The following ZNF652 variants were observed in gnomAD, a reference collection of about 807,000 sequenced individuals.
The protein encoded by ZNF652 is zinc finger protein 652.
In ZNF652, 16 loss-of-function variants were observed where a neutral mutation model predicts 45.2. That is an observed-to-expected ratio of 0.35 (90% CI 0.24 to 0.54). ZNF652 has a LOEUF of 0.54. Ranked by LOEUF, ZNF652 falls within the 20% of genes least tolerant of loss-of-function variation. ZNF652 has a pLI of 0.91. For synonymous variants in ZNF652, 250 were observed against 260.6 expected, an observed-to-expected ratio of 0.96 and a Z score of 0.39; for missense variants, 614 against 765.6, an observed-to-expected ratio of 0.80 and a Z score of 2.34.
intron 1 of ZNF652, among the ~76,000 whole-genome samples, chr17:49,332,464 C>T (rs1009583930): frequency 6.6e-6 from 1 of 152,136 alleles, no homozygotes; most frequent in South Asian, 2.1e-4. Flanking sequence ...CCTGTATGTT[C>T]CCTCTCCGAT....
intron 1 of ZNF652, among the ~76,000 whole-genome samples, chr17:49,323,788 T>C (rs1017691047): frequency 2.0e-5 from 3 of 152,214 alleles, no homozygotes; most frequent in African/African-American, 7.2e-5. Context: ...AAGGAATCTT[T>C]TTTTCTGAGC....
Position 49,317,210 on chromosome 17 carries a change from A to C in ZNF652, c.516T>G (p.Asn172Lys), listed in dbSNP as rs1207006237. 1.2e-6 allele frequency: 2 copies of C among 1,613,230 alleles called. No homozygotes were observed. The highest frequency in any genetic ancestry group is 1.7e-6 in the Non-Finnish European group (2 of 1,179,978). ...TCTTCTCCTTTTTCTTCTGCTTTTCATTCTCTCCATAGTCATTGCTGTCAT... is the reference window on the plus strand; with the variant it reads ...TCTTCTCCTTTTTCTTCTGCTTTTCCTTCTCTCCATAGTCATTGCTGTCAT... Reference protein sequence around the residue: ...ATDDSNDYGENEKQKKKEKIV... With the variant: ...ATDDSNDYGEKEKQKKKEKIV... Residue 172 changes from asparagine (N) to lysine (K), a missense_variant, in exon 2 of 6, where the codon AAT (asparagine) becomes AAG (lysine). Coordinates refer to ENST00000430262, the MANE Select transcript of ZNF652 (RefSeq NM_001145365.3).
intron 1 of ZNF652, among the ~76,000 whole-genome samples, chr17:49,327,903 C>T (rs112641405): frequency 1.4e-3 from 208 of 150,784 alleles, no homozygotes; most frequent in African/African-American, 4.9e-3. Flanking sequence ...CAGGCATGAG[C>T]CATCACACCT....
At chr17:49,346,975 C>T (rs2070211422) in intron 1 of ZNF652, among the ~76,000 whole-genome samples, 1 of 152,170 alleles carries the variant, frequency 6.6e-6, no homozygotes, top group Admixed American at 6.5e-5. Flanking sequence ...CAAAAACTAT[C>T]AGGAATGTGT....
rs536984833 is a variant in ZNF652, at chr17:49,341,520, C to T, written c.-259+20389G>A. On this transcript the variant is annotated intron_variant, in intron 1 of 5. Transcript: ENST00000430262. ...AAAAAAAAAAAAAAAAAAAATTAGC[C>T]GGGTGTGGTGGTGCATGCCAATAGT... Among the ~76,000 whole-genome samples the T allele has an allele frequency of 6.3e-5, 9 of 142,328 alleles. 1 individual carries two copies. Among genetic ancestry groups the T allele is most frequent in the Admixed American group, 2.1e-4 (3 of 14,168 alleles). The allele number at this position is 142,328 out of a possible 152,430, so 93.4% of individuals were successfully genotyped here.
chr17:49,321,487 G>C (rs928463896), intron 1 of ZNF652, among the ~76,000 whole-genome samples: 5 of 139,252 alleles, frequency 3.6e-5, no homozygotes, highest in Non-Finnish European at 6.0e-5. Flanking sequence ...TGTTGGTCAG[G>C]CTGGTCTCCT....
intron 1 of ZNF652, among the ~76,000 whole-genome samples, chr17:49,361,671 G>A (rs1220100161): frequency 6.6e-6 from 1 of 152,158 alleles, no homozygotes; most frequent in Non-Finnish European, 1.5e-5. Flanking sequence ...CCAGGAGGAA[G>A]GGGGCGAAAG....
intron 1 of ZNF652, chr17:49,361,369 G>C (rs1486694163): frequency 6.6e-6 from 1 of 152,438 alleles, no homozygotes; most frequent in East Asian, 1.9e-4. Flanking sequence ...GAGGAGGTGG[G>C]GGTGGAGAAA....
intron 1 of ZNF652, among the ~76,000 whole-genome samples, chr17:49,318,687 G>A (rs1372237418): frequency 6.6e-6 from 1 of 152,156 alleles, no homozygotes; most frequent in African/African-American, 2.4e-5. Flanking sequence ...AGTTTACAAC[G>A]TGTTGGGCAT....
At chr17:49,351,019 ACACACAC>A (rs2070274896) in intron 1 of ZNF652, among the ~76,000 whole-genome samples, 44 of 25,442 alleles carry the variant, frequency 1.7e-3, no homozygotes, top group East Asian at 1.5e-3. Context: ...ATATATACAC[ACACACAC>A]ACACACACAC....
At chr17:49,353,949 T>C (rs978430817) in intron 1 of ZNF652, among the ~76,000 whole-genome samples, 1 of 152,094 alleles carries the variant, frequency 6.6e-6, no homozygotes, top group African/African-American at 2.4e-5. Context: ...ATAAAAAATA[T>C]CTTAAAAAAT....
intron 1 of ZNF652, among the ~76,000 whole-genome samples, chr17:49,344,058 G>A (rs183711003): frequency 9.1e-4 from 138 of 152,124 alleles, no homozygotes; most frequent in African/African-American, 3.0e-3. Context: ...AAAATTAGCC[G>A]GGTGTGGTGG....
chr17:49,355,007 T>C (rs916987000), intron 1 of ZNF652, among the ~76,000 whole-genome samples: 1 of 152,154 alleles, frequency 6.6e-6, no homozygotes, highest in African/African-American at 2.4e-5. Context: ...ATTACAGGCA[T>C]GAGCCACTGC....
intron 1 of ZNF652, among the ~76,000 whole-genome samples, chr17:49,322,084 T>C (rs142449870): frequency 4.5e-4 from 69 of 152,278 alleles, no homozygotes; most frequent in African/African-American, 1.5e-3. Flanking sequence ...AAGGTTCAAA[T>C]CAAATATTTG....
chr17:49,351,056 T>C (rs573447023), intron 1 of ZNF652, among the ~76,000 whole-genome samples: 18 of 138,158 alleles, frequency 1.3e-4, no homozygotes, highest in East Asian at 8.7e-4. Context: ...CACACACACA[T>C]ATTTTTATAT....
chr17:49,296,326 A>T lies in ZNF652; in HGVS notation c.*2087T>A, dbSNP rs1043696660. 3 of 152,590 alleles carry T rather than the reference A, an allele frequency of 2.0e-5. No homozygotes were observed. Among genetic ancestry groups the T allele is most frequent in the Non-Finnish European group, 4.4e-5 (3 of 68,026 alleles). The allele number at this position is 152,590 out of a possible 1,614,324, so 9.5% of individuals were successfully genotyped here. A position where few individuals can be genotyped will look rare whatever the true frequency, so the allele number is the denominator to read the frequency against. On this transcript the variant is annotated 3_prime_UTR_variant, in exon 6 of 6. Coordinates refer to ENST00000430262, the MANE Select transcript of ZNF652 (RefSeq NM_001145365.3). ...ATGCTCATTATATAAGACAGGCAAA[A>T]TCAGAAGGAGAAAATTTAGAAACAC... is the stretch of plus-strand genomic sequence containing the variant.
intron 1 of ZNF652, among the ~76,000 whole-genome samples, chr17:49,335,441 T>G (rs951473584): frequency 1.3e-5 from 2 of 152,172 alleles, no homozygotes; most frequent in African/African-American, 4.8e-5. Context: ...TGCTGATTAT[T>G]TGTGTCTATT....
chr17:49,311,183 GTTTA>G (rs2069706593), intron 5 of ZNF652, 125 bp downstream of exon 5: 2 of 924,512 alleles, frequency 2.2e-6, no homozygotes, highest in South Asian at 1.8e-5. Context: ...TACATATTAG[GTTTA>G]TTTAAAGTGG....
chr17:49,339,407 T>C (rs1205944116), intron 1 of ZNF652, among the ~76,000 whole-genome samples: 2 of 149,514 alleles, frequency 1.3e-5, no homozygotes, highest in Admixed American at 6.7e-5. Context: ...AGCAACATAA[T>C]CCAAAATTAC....
Sources: allele counts gnomAD v4.1 joint callset (sites outside exome capture counted in the v4.1 genomes callset), GRCh38; gene constraint gnomAD v4.1.1; transcripts MANE v1.5; gene names NCBI Gene and HGNC (gene_info 2026-07-23, HGNC 2026-07-21).